The following SV2C variants were observed in gnomAD, a reference collection of about 807,000 sequenced individuals.
The protein encoded by SV2C is solute carrier family 22 member B3.
Under a neutral mutation model 79.7 loss-of-function variants are expected in SV2C, and 49 were observed. That is an observed-to-expected ratio of 0.61 (90% CI 0.49 to 0.78). The LOEUF (loss-of-function observed/expected upper bound fraction) is 0.78. Ranked by LOEUF, SV2C falls within the 30% of genes least tolerant of loss-of-function variation. The pLI, the probability that SV2C is intolerant of heterozygous loss-of-function variation, is 0.00. For synonymous variants in SV2C, 334 were observed against 333.2 expected (o/e 1.00, Z -0.03); for missense variants, 833 against 912.9 (o/e 0.91, Z 1.13).
chr5:76,063,655 G>A, the SV2C span, among the ~76,000 whole-genome samples: 2 of 152,124 alleles, frequency 1.3e-5, no homozygotes, highest in African/African-American at 4.8e-5. Flanking sequence ...AATATCCTTT[G>A]AGCAGCTTGA....
chr5:75,906,115 G>A, the SV2C span, among the ~76,000 whole-genome samples: 2 of 151,866 alleles, frequency 1.3e-5, no homozygotes, highest in East Asian at 1.9e-4. Context: ...AAGGCATGGA[G>A]CAGAGGCATT....
chr5:75,950,824 G>A, the SV2C span, among the ~76,000 whole-genome samples: 1 of 152,058 alleles, frequency 6.6e-6, no homozygotes, highest in East Asian at 1.9e-4. Context: ...TTAAACAATA[G>A]TAATATCCCT....
At chr5:75,963,583 A>C in the SV2C span, among the ~76,000 whole-genome samples, 1 of 151,936 alleles carries the variant, frequency 6.6e-6, no homozygotes, top group African/African-American at 2.4e-5. Context: ...AAGCTTTTAT[A>C]TATTTTTTAC....
rs767140113 is a variant in SV2C at position 76,291,884 on chromosome 5, C to A, written c.1337+28C>A. On this transcript the variant is annotated intron_variant, in intron 8 of 12. Coordinates refer to ENST00000502798, the MANE Select transcript of SV2C (RefSeq NM_014979.4). ...AAGTGATATTTAAATTCTTGGCAAGCAAAATCGTTCAATGTCCACATTGTA... is the reference window on the plus strand; with the variant it reads ...AAGTGATATTTAAATTCTTGGCAAGAAAAATCGTTCAATGTCCACATTGTA... 4.0e-6 allele frequency: 6 copies of A among 1,505,816 alleles called. No homozygotes were observed. In the African/African-American group the frequency reaches 8.2e-5, roughly 21 times the overall value. 93.3% of individuals were successfully genotyped at this position (1,505,816 alleles called of 1,614,324 possible). A position where few individuals can be genotyped will look rare whatever the true frequency, so the allele number is the denominator to read the frequency against.
chr5:75,980,051 C>A, the SV2C span, among the ~76,000 whole-genome samples: 1 of 152,112 alleles, frequency 6.6e-6, no homozygotes, highest in Non-Finnish European at 1.5e-5. Flanking sequence ...ACCACTGACT[C>A]CACAGAAATA....
intron 10 of SV2C, 49 bp downstream of exon 10, chr5:76,298,976 C>G: frequency 6.3e-7 from 1 of 1,594,382 alleles, no homozygotes; most frequent in South Asian, 1.1e-5. Flanking sequence ...CTCCAAAGGG[C>G]CCACTGTGAT....
At chr5:76,110,729 C>T (rs1340211386) in intron 1 of SV2C, among the ~76,000 whole-genome samples, 6 of 152,190 alleles carry the variant, frequency 3.9e-5, no homozygotes, top group East Asian at 1.9e-4. Context: ...TGTCTCCTTA[C>T]GGACATTTTA....
At chr5:76,272,328 T>C (rs1487650469) in intron 4 of SV2C, among the ~76,000 whole-genome samples, 3 of 150,050 alleles carry the variant, frequency 2.0e-5, no homozygotes, top group Non-Finnish European at 2.9e-5. Context: ...ATCACAAAAA[T>C]CTTCTAGGAA....
rs1002507688 is a variant in SV2C at position 76,248,575 on chromosome 5, G to A, written c.914-36587G>A. On this transcript the variant is annotated intron_variant, in intron 4 of 12. Coordinates refer to ENST00000502798, the MANE Select transcript of SV2C (RefSeq NM_014979.4). Reference sequence around the variant, plus strand: ...AGGGGACTAAGTTCAGCCCATAACAGCAGCCATCTTTCTAGCCCAGTGCCC... The same window carrying A: ...AGGGGACTAAGTTCAGCCCATAACAACAGCCATCTTTCTAGCCCAGTGCCC... Among the ~76,000 whole-genome samples, 4 of 151,936 alleles carry A rather than the reference G, an allele frequency of 2.6e-5. No homozygotes were observed. In the South Asian group the frequency reaches 8.3e-4, roughly 31 times the overall value.
chr5:76,272,096 G>A lies in SV2C; in HGVS notation c.914-13066G>A, dbSNP rs572135097. The stretch of plus-strand genomic sequence containing the variant: ...TTTGTTCTGGATCAGAGACTATAAG[G>A]CAAGAAATGGGGCTAGGAAAAAGAA... On this transcript the variant is annotated intron_variant, in intron 4 of 12. Coordinates refer to ENST00000502798, the MANE Select transcript of SV2C (RefSeq NM_014979.4). Among the ~76,000 whole-genome samples, 7 of 152,288 alleles carry A rather than the reference G, an allele frequency of 4.6e-5. No homozygotes were observed. The East Asian group carries it at 1.4e-3, about 29-fold the overall frequency.
chr5:75,873,582 G>C, the SV2C span, among the ~76,000 whole-genome samples: 1 of 151,848 alleles, frequency 6.6e-6, no homozygotes, highest in African/African-American at 2.4e-5. Context: ...TATCCTAAGG[G>C]GAAAAATATC....
rs74364525 is a variant in SV2C at position 76,156,843 on chromosome 5, A to G, written c.580+24513A>G. Among the ~76,000 whole-genome samples the G allele has an allele frequency of 5.3e-3, 805 of 152,238 alleles. 3 individuals are homozygous for G. The highest frequency in any genetic ancestry group is 0.015 in the South Asian group (70 of 4,820). On this transcript the variant is annotated intron_variant, in intron 2 of 12. Transcript: ENST00000502798. ...CAAAAGAAAGAATTAATGAACTAGA[A>G]GAAAGATTGACAGAGGTTATACAAG...
chr5:75,996,529 T>C, the SV2C span, among the ~76,000 whole-genome samples: 1 of 152,188 alleles, frequency 6.6e-6, no homozygotes, highest in Non-Finnish European at 1.5e-5. Flanking sequence ...AGAAAGTCAT[T>C]GGTAGCTTGA....
chr5:76,182,610 T>A (rs1487122503), intron 2 of SV2C, among the ~76,000 whole-genome samples: 1 of 152,190 alleles, frequency 6.6e-6, no homozygotes, highest in African/African-American at 2.4e-5. Context: ...CTCTCAGAGT[T>A]GTGCACATTC....
chr5:75,913,264 C>T, the SV2C span, among the ~76,000 whole-genome samples: 26 of 152,188 alleles, frequency 1.7e-4, no homozygotes, highest in Middle Eastern at 6.8e-3. Context: ...TCTGATCCAG[C>T]GAGTAGGATA....
chr5:76,116,985 G>T (rs1412368225), intron 1 of SV2C, among the ~76,000 whole-genome samples: 1 of 152,138 alleles, frequency 6.6e-6, no homozygotes, highest in East Asian at 1.9e-4. Flanking sequence ...TCTACAGAAG[G>T]ATATGGAGAG....
intron 2 of SV2C, among the ~76,000 whole-genome samples, chr5:76,163,586 C>G (rs1236659776): frequency 1.3e-5 from 2 of 152,156 alleles, no homozygotes; most frequent in East Asian, 3.9e-4. Context: ...ATTGGCCTGA[C>G]TCTGCCCCAG....
At chr5:76,133,195 A>G (rs1409826622) in intron 2 of SV2C, among the ~76,000 whole-genome samples, 3 of 152,330 alleles carry the variant, frequency 2.0e-5, no homozygotes, top group Non-Finnish European at 4.4e-5. Flanking sequence ...AACACCTGGT[A>G]TATAAAATCA....
chr5:76,192,208 G>T (rs1744126649), intron 2 of SV2C, among the ~76,000 whole-genome samples: 1 of 152,164 alleles, frequency 6.6e-6, no homozygotes, highest in Admixed American at 6.6e-5. Context: ...AGATTACTTG[G>T]GGGTCTTATT....
Sources: allele counts gnomAD v4.1 joint callset (sites outside exome capture counted in the v4.1 genomes callset), GRCh38; gene constraint gnomAD v4.1.1; transcripts MANE v1.5; gene names NCBI Gene and HGNC (gene_info 2026-07-23, HGNC 2026-07-21).